IL1RAPL1: variants seen among roughly 807,000 people sequenced by gnomAD.
IL1RAPL1 encodes interleukin 1 receptor accessory protein like 1, also known as interleukin-1 receptor accessory protein-like 1.
A neutral mutation model predicts 48.4 loss-of-function variants in IL1RAPL1; 3 were observed. The observed-to-expected ratio is 0.06, with a 90% confidence interval of 0.03 to 0.16. The LOEUF is 0.16. IL1RAPL1 is among the 10% of genes least tolerant of loss of function. IL1RAPL1 has a pLI of 1.00. For synonymous variants in IL1RAPL1, 185 were observed against 187.7 expected, an observed-to-expected ratio of 0.99 and a Z score of 0.12; for missense variants, 349 against 530.6, an observed-to-expected ratio of 0.66 and a Z score of 3.36.
At chrX:28,925,614 G>A (rs965837528) in intron 2 of IL1RAPL1, among the ~76,000 whole-genome samples, 2 of 111,966 alleles carry the variant, frequency 1.8e-5, no homozygotes, top group Middle Eastern at 4.2e-3. Flanking sequence ...TAAAGTTTTA[G>A]AACTACCAAG....
intron 1 of IL1RAPL1, among the ~76,000 whole-genome samples, chrX:28,681,950 A>C (rs1935064585): frequency 9.0e-6 from 1 of 111,624 alleles, no homozygotes; most frequent in Non-Finnish European, 1.9e-5. Context: ...ATGAGTCTTC[A>C]TTTCCCTCTT....
chrX:29,901,982 A>G (rs1932504270), intron 6 of IL1RAPL1, among the ~76,000 whole-genome samples: 1 of 112,176 alleles, frequency 8.9e-6, no homozygotes, highest in Admixed American at 9.4e-5. Flanking sequence ...TACAATTATA[A>G]GCAGATCTGA....
intron 2 of IL1RAPL1, among the ~76,000 whole-genome samples, chrX:28,897,693 T>A (rs1427937535): frequency 8.9e-6 from 1 of 111,981 alleles, no homozygotes; most frequent in Non-Finnish European, 1.9e-5. Flanking sequence ...CCCTCCCCGA[T>A]CTGAGTCACG....
At chrX:29,168,169 T>A (rs1468466131) in intron 2 of IL1RAPL1, among the ~76,000 whole-genome samples, 2 of 110,195 alleles carry the variant, frequency 1.8e-5, no homozygotes, top group Admixed American at 2.0e-4. Context: ...ATTTAGACAT[T>A]TATCATTTCT....
chrX:28,789,355 G>A lies in IL1RAPL1; in HGVS notation c.12G>A (p.Pro4=), dbSNP rs143600441. The A allele has an allele frequency of 1.4e-3, 1,687 of 1,206,504 alleles. 6 individuals carry two copies. The highest frequency in any genetic ancestry group is 1.9e-3 in the South Asian group (107 of 56,749). MKA[P]IPHLILLYAT... ...TTAAGAGCTGGAAGATGAAAGCTCC[G>A]ATTCCACACTTGATTCTCTTATACG... The change falls in exon 2 of 11, where the codon CCG becomes CCA. Residue 4 remains proline, a synonymous_variant. Transcript: ENST00000378993.
intron 2 of IL1RAPL1, among the ~76,000 whole-genome samples, chrX:29,054,901 T>C (rs756254643): frequency 8.9e-6 from 1 of 112,228 alleles, no homozygotes; most frequent in Non-Finnish European, 1.9e-5. Context: ...CAATACTTAA[T>C]AGGACATTAA....
intron 3 of IL1RAPL1, among the ~76,000 whole-genome samples, chrX:29,365,246 C>T (rs906486396): frequency 3.6e-5 from 4 of 111,356 alleles, no homozygotes; most frequent in Non-Finnish European, 5.6e-5. Flanking sequence ...GAGCATGGCA[C>T]GTAGATAGCA....
intron 2 of IL1RAPL1, among the ~76,000 whole-genome samples, chrX:29,111,334 C>T (rs977929273): frequency 2.7e-5 from 3 of 112,059 alleles, no homozygotes; most frequent in Admixed American, 1.9e-4. Context: ...TTTTTGAACT[C>T]GATATAAATG....
chrX:29,214,517 T>C (rs893729302), intron 2 of IL1RAPL1, among the ~76,000 whole-genome samples: 9 of 111,684 alleles, frequency 8.1e-5, no homozygotes, highest in African/African-American at 2.9e-4. Context: ...CTTTTGTGCA[T>C]GTTTGAAATA....
At chrX:29,239,254 T>C (rs931939633) in intron 2 of IL1RAPL1, among the ~76,000 whole-genome samples, 9 of 112,329 alleles carry the variant, frequency 8.0e-5, no homozygotes, top group African/African-American at 2.9e-4. Context: ...CTAATCTTTG[T>C]TGCAAAAAGT....
chrX:29,389,757 C>G (rs1933831484), intron 3 of IL1RAPL1, among the ~76,000 whole-genome samples: 2 of 112,143 alleles, frequency 1.8e-5, no homozygotes, highest in South Asian at 7.4e-4. Context: ...TTCAATTCAC[C>G]AGTTCAACAA....
At chrX:29,052,754 C>A (rs902054315) in intron 2 of IL1RAPL1, among the ~76,000 whole-genome samples, 6 of 111,258 alleles carry the variant, frequency 5.4e-5, no homozygotes, top group African/African-American at 2.0e-4. Flanking sequence ...TCACTGCAAC[C>A]GCCGCCTCCC....
chrX:29,449,445 T>C (rs1346187896), intron 5 of IL1RAPL1, among the ~76,000 whole-genome samples: 1 of 110,516 alleles, frequency 9.0e-6, no homozygotes, highest in Admixed American at 9.7e-5. Context: ...GATAGTAATT[T>C]ACCACTCTTA....
chrX:29,522,000 C>A (rs761715628), intron 5 of IL1RAPL1, among the ~76,000 whole-genome samples: 1 of 111,459 alleles, frequency 9.0e-6, no homozygotes, highest in East Asian at 2.8e-4. Flanking sequence ...AAGGAAGTGG[C>A]CAAGCTGACA....
intron 6 of IL1RAPL1, among the ~76,000 whole-genome samples, chrX:29,704,383 C>T (rs1446363307): frequency 9.0e-6 from 1 of 111,446 alleles, no homozygotes; most frequent in Non-Finnish European, 1.9e-5. Flanking sequence ...AATAGAAAAC[C>T]TATGGCAGGG....
At chrX:29,574,124 TA>T (rs746237334) in intron 5 of IL1RAPL1, among the ~76,000 whole-genome samples, 1 of 109,837 alleles carries the variant, frequency 9.1e-6, no homozygotes, top group African/African-American at 3.3e-5. Flanking sequence ...AGGAAACTTA[TA>T]ATCATGGTAG....
intron 2 of IL1RAPL1, among the ~76,000 whole-genome samples, chrX:29,228,178 G>GCAAA (rs1931118332): frequency 1.2e-5 from 1 of 84,388 alleles, no homozygotes; most frequent in Non-Finnish European, 2.2e-5. Context: ...ACACACGCGT[G>GCAAA]CACACACACA....
chrX:29,623,075 C>A, intron 5 of IL1RAPL1, among the ~76,000 whole-genome samples: 2 of 105,928 alleles, frequency 1.9e-5, no homozygotes, highest in South Asian at 8.6e-4. Context: ...TCGAGACCAT[C>A]CTGGCTAACA....
chrX:29,053,212 CT>C (rs1269867684), intron 2 of IL1RAPL1, among the ~76,000 whole-genome samples: 51 of 111,677 alleles, frequency 4.6e-4, no homozygotes, highest in African/African-American at 1.4e-3. Context: ...ATGATTTGTT[CT>C]TTTTTTATGG....
Sources: gnomAD v4.1 joint callset for allele counts (sites outside exome capture counted in the v4.1 genomes callset) on GRCh38, gnomAD v4.1.1 for gene constraint, MANE v1.5 for transcripts, NCBI Gene and HGNC (gene_info 2026-07-23, HGNC 2026-07-21) for gene names.